Variants in KCNQ4 observed in about 807,000 individuals in gnomAD.
KCNQ4 encodes potassium voltage-gated channel subfamily Q member 4.
Under a neutral mutation model 72.6 loss-of-function variants are expected in KCNQ4, and 31 were observed. That is an observed-to-expected ratio of 0.43 (90% CI 0.32 to 0.58). The LOEUF (loss-of-function observed/expected upper bound fraction) is 0.58, where lower values mean the gene tolerates loss of function less well. KCNQ4 is among the 20% of genes least tolerant of loss of function. KCNQ4 has a pLI of 0.08. For synonymous variants in KCNQ4, 405 were observed against 403.7 expected, an observed-to-expected ratio of 1.00 and a Z score of -0.04; for missense variants, 869 against 962.6, an observed-to-expected ratio of 0.90 and a Z score of 1.29.
intron 1 of KCNQ4, among the ~76,000 whole-genome samples, chr1:40,804,030 C>A (rs1647676073): frequency 6.6e-6 from 1 of 152,188 alleles, no homozygotes; most frequent in Non-Finnish European, 1.5e-5. Context: ...GTGGCAAGGA[C>A]TAACTCTTTC....
At position 40,818,307 on chromosome 1, in the gene KCNQ4, C is replaced by T; in HGVS notation, c.532+17C>T. ...GTGTCATCGGTAATGAGGCGCGCCC[C>T]GCCCGACCTGACCCCTGACCCCAGG... On this transcript the variant is annotated intron_variant, in intron 3 of 13. Transcript: ENST00000347132. 6.2e-7 allele frequency: 1 copy of T among 1,613,350 alleles called. No individual in the cohort carries two copies. The highest frequency in any genetic ancestry group is 1.1e-5 in the South Asian group (1 of 91,080).
At chr1:40,807,956 A>T (rs1230215771) in intron 1 of KCNQ4, among the ~76,000 whole-genome samples, 1 of 128,992 alleles carries the variant, frequency 7.8e-6, no homozygotes, top group Non-Finnish European at 1.7e-5. Flanking sequence ...TGTCTCTACT[A>T]AAAATCAAAA....
chr1:40,802,718 G>A (rs1647622013), intron 1 of KCNQ4, among the ~76,000 whole-genome samples: 1 of 152,202 alleles, frequency 6.6e-6, no homozygotes, highest in Non-Finnish European at 1.5e-5. Flanking sequence ...CCTCTCCCGA[G>A]AAGTCGCGCA....
rs757017689 is a variant in KCNQ4 at position 40,831,115 on chromosome 1, A to G, written c.1324A>G (p.Met442Val). 4 of 1,607,308 alleles carry G rather than the reference A, an allele frequency of 2.5e-6. No individual in the cohort carries two copies. The highest frequency in any genetic ancestry group is 2.5e-6 in the Non-Finnish European group (3 of 1,177,048). ...GATGGGCATCAAAGACCGCATCCGC[A>G]TGGGCAGCTCCCAGCGGCGGACGGG... ...SRMGIKDRIR[M>V]GSSQRRTGPS... is the part of the protein sequence containing the mutation. The change falls in exon 10 of 14, where the codon ATG (methionine) becomes GTG (valine). Residue 442 changes from methionine (M) to valine (V), a missense_variant. Transcript: ENST00000347132.
chr1:40,828,808 T>C (rs1208520315), intron 9 of KCNQ4, among the ~76,000 whole-genome samples: 1 of 152,258 alleles, frequency 6.6e-6, no homozygotes, highest in Non-Finnish European at 1.5e-5. Flanking sequence ...GGAGCTGATA[T>C]GAGCCATTTT....
In KCNQ4 at chr1:40,784,376, C is replaced by T. The variant is rs892642305; in HGVS notation, c.283C>T (p.Arg95Cys). The change falls in exon 1 of 14, where the codon CGC becomes TGC. Residue 95 changes from arginine to cysteine, a missense_variant. Coordinates refer to ENST00000347132, the MANE Select transcript of KCNQ4 (RefSeq NM_004700.4). The surrounding 1 kb of genome is among the most constrained non-coding windows in gnomAD (Gnocchi z 4.1). ...NWVYNVLERPRGWAFVYHVFI... is the reference protein window; with the variant it reads ...NWVYNVLERPCGWAFVYHVFI... Reference sequence around the variant, plus strand: ...GGTCTACAACGTGCTGGAGCGGCCCCGCGGCTGGGCCTTCGTCTACCACGT... The same window carrying T: ...GGTCTACAACGTGCTGGAGCGGCCCTGCGGCTGGGCCTTCGTCTACCACGT... 2 of 1,610,078 alleles carry T rather than the reference C, an allele frequency of 1.2e-6. No homozygotes were observed. The highest frequency in any genetic ancestry group is 1.3e-5 in the African/African-American group (1 of 74,972).
At chr1:40,796,915 C>CAAATAAAT (rs3070277) in intron 1 of KCNQ4, among the ~76,000 whole-genome samples, 31,373 of 147,152 alleles carry the variant, frequency 0.21, 3,460 homozygotes, top group Middle Eastern at 0.26. Flanking sequence ...GAGACTCCAT[C>CAAATAAAT]AAATAAATAA....
intron 1 of KCNQ4, among the ~76,000 whole-genome samples, chr1:40,812,704 G>C (rs1454571037): frequency 6.6e-6 from 1 of 152,226 alleles, no homozygotes; most frequent in African/African-American, 2.4e-5. Flanking sequence ...AATGGAGATG[G>C]TCAAGGTCAG....
At chr1:40,828,546 A>T (rs1165678157) in intron 9 of KCNQ4, among the ~76,000 whole-genome samples, 1 of 152,238 alleles carries the variant, frequency 6.6e-6, no homozygotes, top group Non-Finnish European at 1.5e-5. Context: ...AAGTCAGAGA[A>T]GGCTGGGTTC....
Position 40,784,461 on chromosome 1 carries a change from C to T in KCNQ4, c.314+54C>T. On this transcript the variant is annotated intron_variant, in intron 1 of 13. Transcript: ENST00000347132. This position sits in a 1 kb window ranked among gnomAD's most constrained non-coding sequence, Gnocchi z 4.1. ...GTTTCCCCGCGCAAGCCTGGCCTCC[C>T]GGGGCACGGCCGCCCCGCCCTGGCT... The T allele has an allele frequency of 1.3e-6, 2 of 1,552,284 alleles. No individual in the cohort carries two copies. Among genetic ancestry groups the T allele is most frequent in the Non-Finnish European group, 1.8e-6 (2 of 1,136,762 alleles).
chr1:40,821,875 T>TA (rs1648308090), intron 7 of KCNQ4, among the ~76,000 whole-genome samples: 1 of 152,192 alleles, frequency 6.6e-6, no homozygotes, highest in South Asian at 2.1e-4. Flanking sequence ...GCCTACTATA[T>TA]ACCAGGCACT....
chr1:40,802,144 G>A (rs1337154913), intron 1 of KCNQ4, among the ~76,000 whole-genome samples: 1 of 152,140 alleles, frequency 6.6e-6, no homozygotes, highest in Non-Finnish European at 1.5e-5. Context: ...CCATTTTCCG[G>A]ATGAGGAAAC....
chr1:40,818,215 T>G lies in KCNQ4; in HGVS notation c.457T>G (p.Ser153Ala). The G allele has an allele frequency of 6.2e-7, 1 of 1,613,864 alleles. No homozygotes were observed. The highest frequency in any genetic ancestry group is 1.1e-5 in the South Asian group (1 of 91,076). The change falls in exon 3 of 14, where the codon TCC becomes GCC. Residue 153 changes from serine to alanine, a missense_variant. Physicochemically the swap from Ser to Ala is moderately conservative, Grantham distance 99 (BLOSUM62 1). Coordinates refer to ENST00000347132, the MANE Select transcript of KCNQ4 (RefSeq NM_004700.4). ...FGLEYIVRVWSAGCCCRYRGW... is the reference protein window; with the variant it reads ...FGLEYIVRVWAAGCCCRYRGW... ...CTTGGAGTACATCGTCCGGGTCTGG[T>G]CCGCCGGATGCTGCTGCCGCTACCG... is the stretch of plus-strand genomic sequence containing the variant.
At chr1:40,809,422 C>T (rs114443846) in intron 1 of KCNQ4, among the ~76,000 whole-genome samples, 1,990 of 152,322 alleles carry the variant, frequency 0.013, 41 homozygotes, top group African/African-American at 0.046. Flanking sequence ...TCTCTCTCAA[C>T]ATGCCCACCA....
chr1:40,812,785 T>C (rs1245136386), intron 1 of KCNQ4, among the ~76,000 whole-genome samples: 1 of 152,226 alleles, frequency 6.6e-6, no homozygotes, highest in Non-Finnish European at 1.5e-5. Context: ...GGGGACCTCT[T>C]CAGTGGGTAC....
intron 1 of KCNQ4, among the ~76,000 whole-genome samples, chr1:40,785,469 C>A (rs1453020496): frequency 6.6e-6 from 1 of 152,180 alleles, no homozygotes; most frequent in Non-Finnish European, 1.5e-5. Flanking sequence ...TCCTGGGTGG[C>A]CCACCTGCCT....
At chr1:40,820,075 C>T (rs1648241808) in intron 6 of KCNQ4, 90 bp downstream of exon 6, 1 of 1,529,806 alleles carries the variant, frequency 6.5e-7, no homozygotes, top group Non-Finnish European at 9.0e-7. Flanking sequence ...CCTGGGGTAC[C>T]TCAGAGGGGC....
chr1:40,812,843 C>T (rs1448629077), intron 1 of KCNQ4, among the ~76,000 whole-genome samples: 2 of 152,160 alleles, frequency 1.3e-5, no homozygotes, highest in Non-Finnish European at 2.9e-5. Context: ...TGTTTGGTTA[C>T]AGTGAACTCC....
chr1:40,809,781 T>C (rs1353065566), intron 1 of KCNQ4, among the ~76,000 whole-genome samples: 1 of 152,138 alleles, frequency 6.6e-6, no homozygotes, highest in East Asian at 1.9e-4. Context: ...AACTCCACAA[T>C]TGGCCAGGTG....
Sources: allele counts gnomAD v4.1 joint callset (sites outside exome capture counted in the v4.1 genomes callset), GRCh38; gene constraint gnomAD v4.1.1; non-coding constraint Gnocchi (gnomAD v3.1); transcripts MANE v1.5; gene names NCBI Gene and HGNC (gene_info 2026-07-23, HGNC 2026-07-21).